MAF: variants seen among roughly 807,000 people sequenced by gnomAD.
The protein encoded by MAF is transcription factor Maf.
MAF carries 10 observed loss-of-function variants against 22.0 expected under a neutral mutation model. The ratio of observed to expected loss-of-function variants is 0.45; its 90% CI spans 0.28 to 0.77. The LOEUF is 0.77. MAF is among the 30% of genes least tolerant of loss of function. MAF has a pLI of 0.12. For synonymous variants in MAF, 337 were observed against 255.8 expected (o/e 1.32, Z -3.03); for missense variants, 544 against 548.4 (o/e 0.99, Z 0.08).
the MAF span, among the ~76,000 whole-genome samples, chr16:79,469,385 G>C: frequency 6.6e-6 from 1 of 152,134 alleles, no homozygotes. Flanking sequence ...GACAGATCTT[G>C]TTTGATGACC....
At chr16:79,550,095 C>A in the MAF span, among the ~76,000 whole-genome samples, 1 of 152,136 alleles carries the variant, frequency 6.6e-6, no homozygotes, top group Non-Finnish European at 1.5e-5. Context: ...ACTGCTCTCT[C>A]CAAATCCTGA....
At chr16:79,485,726 C>T in the MAF span, among the ~76,000 whole-genome samples, 3 of 152,290 alleles carry the variant, frequency 2.0e-5, no homozygotes, top group East Asian at 1.9e-4. Context: ...GAAGATCTGT[C>T]GGGTTCCTCC....
chr16:79,560,323 G>C, the MAF span, among the ~76,000 whole-genome samples: 2 of 151,864 alleles, frequency 1.3e-5, no homozygotes, highest in African/African-American at 2.4e-5. Context: ...AACGCGAAGA[G>C]ACAGGAAGCC....
chr16:79,327,254 A>G, the MAF span, among the ~76,000 whole-genome samples: 1 of 152,250 alleles, frequency 6.6e-6, no homozygotes, highest in Non-Finnish European at 1.5e-5. Context: ...TGGAGGGTAT[A>G]GAACTAGTTC....
chr16:79,468,509 T>C, the MAF span, among the ~76,000 whole-genome samples: 2 of 152,318 alleles, frequency 1.3e-5, no homozygotes, highest in South Asian at 2.1e-4. Flanking sequence ...AGAATGTATT[T>C]TGGTGTCAGT....
the MAF span, among the ~76,000 whole-genome samples, chr16:79,541,389 T>G: frequency 7.4e-4 from 113 of 151,916 alleles, no homozygotes; most frequent in African/African-American, 2.7e-3. Flanking sequence ...CCTTGTTGAG[T>G]GAGGCAGTCA....
chr16:79,329,874 C>T, the MAF span, among the ~76,000 whole-genome samples: 1 of 152,040 alleles, frequency 6.6e-6, no homozygotes, highest in Non-Finnish European at 1.5e-5. Context: ...TACTCACTTC[C>T]TACATGGAAA....
the MAF span, among the ~76,000 whole-genome samples, chr16:79,553,361 G>C: frequency 5.3e-5 from 8 of 152,242 alleles, no homozygotes; most frequent in Admixed American, 5.2e-4. Context: ...CCCTGGCCCA[G>C]AGACAGAGAC....
At chr16:79,325,563 A>G in the MAF span, among the ~76,000 whole-genome samples, 1 of 151,850 alleles carries the variant, frequency 6.6e-6, no homozygotes, top group African/African-American at 2.4e-5. Context: ...ACACAGACAC[A>G]CACACAGATG....
chr16:79,555,967 G>A, the MAF span, among the ~76,000 whole-genome samples: 3 of 152,236 alleles, frequency 2.0e-5, no homozygotes, highest in Non-Finnish European at 4.4e-5. Context: ...AAAATCACTA[G>A]GAAGTGATGA....
chr16:79,226,435 G>C, the MAF span, among the ~76,000 whole-genome samples: 1 of 152,004 alleles, frequency 6.6e-6, no homozygotes, highest in African/African-American at 2.4e-5. Flanking sequence ...GTAGATGACG[G>C]GTTGATGGGT....
chr16:79,411,538 T>G, the MAF span, among the ~76,000 whole-genome samples: 7 of 152,326 alleles, frequency 4.6e-5, no homozygotes, highest in South Asian at 1.5e-3. Context: ...GGGGTCTGTT[T>G]GGGCTTCTTT....
the MAF span, among the ~76,000 whole-genome samples, chr16:79,428,047 G>A: frequency 1.3e-4 from 18 of 140,546 alleles, no homozygotes; most frequent in African/African-American, 3.7e-4. Context: ...AGCCGAGATC[G>A]CGCCACTGCA....
the MAF span, among the ~76,000 whole-genome samples, chr16:79,440,996 C>G: frequency 6.6e-6 from 1 of 152,198 alleles, no homozygotes; most frequent in Non-Finnish European, 1.5e-5. Flanking sequence ...GTCGTAATGT[C>G]CTATCACCCT....
At chr16:79,425,558 G>A in the MAF span, among the ~76,000 whole-genome samples, 4 of 152,090 alleles carry the variant, frequency 2.6e-5, no homozygotes, top group African/African-American at 7.2e-5. Flanking sequence ...TAGTTGCTAT[G>A]AAAATCAGTT....
chr16:79,408,817 G>T, the MAF span, among the ~76,000 whole-genome samples: 1 of 152,084 alleles, frequency 6.6e-6, no homozygotes, highest in Non-Finnish European at 1.5e-5. Context: ...GGGAATCCCT[G>T]CACCCAAAGG....
At chr16:79,406,730 T>G in the MAF span, among the ~76,000 whole-genome samples, 1 of 152,146 alleles carries the variant, frequency 6.6e-6, no homozygotes, top group Non-Finnish European at 1.5e-5. Context: ...GACTCTAGTT[T>G]CCTATGACCC....
the MAF span, among the ~76,000 whole-genome samples, chr16:79,470,137 T>C: frequency 6.6e-6 from 1 of 152,248 alleles, no homozygotes; most frequent in South Asian, 2.1e-4. Context: ...TTTTCCGGGA[T>C]GTGCTTACAT....
chr16:79,239,271 A>C, the MAF span, among the ~76,000 whole-genome samples: 1 of 152,122 alleles, frequency 6.6e-6, no homozygotes, highest in East Asian at 1.9e-4. Flanking sequence ...GCAGTGATTG[A>C]CACATGTCTG....
Sources: gnomAD v4.1 joint callset for allele counts (sites outside exome capture counted in the v4.1 genomes callset) on GRCh38, gnomAD v4.1.1 for gene constraint, MANE v1.5 for transcripts, NCBI Gene and HGNC (gene_info 2026-07-23, HGNC 2026-07-21) for gene names.